The following KIF4A variants were observed in gnomAD, a reference collection of about 807,000 sequenced individuals.
KIF4A encodes the protein chromosome-associated kinesin KIF4A.
In KIF4A, 7 loss-of-function variants were observed where a neutral mutation model predicts 105.9. The ratio of observed to expected loss-of-function variants is 0.07; its 90% confidence interval spans 0.04 to 0.12. The LOEUF is 0.12. Among genes scored for constraint, KIF4A ranks in the 10% least tolerant of loss-of-function variants. The pLI is 1.00. For missense variants in KIF4A, 558 were observed against 929.2 expected (o/e 0.60, Z 5.19); for synonymous variants, 281 against 331.3 (o/e 0.85, Z 1.65).
At chrX:70,341,570 T>C (rs947257538) in intron 10 of KIF4A, among the ~76,000 whole-genome samples, 1 of 111,687 alleles carries the variant, frequency 9.0e-6, no homozygotes. Flanking sequence ...AATTATTACC[T>C]TTCTCCAAAC....
At chrX:70,360,427 G>A (rs914935525) in intron 15 of KIF4A, among the ~76,000 whole-genome samples, 2 of 112,418 alleles carry the variant, frequency 1.8e-5, no homozygotes, top group African/African-American at 3.2e-5. Context: ...TCAGCAGGCC[G>A]AGCCTTGGTT....
chrX:70,402,487 G>A, intron 22 of KIF4A, 79 bp from the exon 23 acceptor site: 5 of 1,070,414 alleles, frequency 4.7e-6, no homozygotes, highest in Non-Finnish European at 6.3e-6. Flanking sequence ...AAAATTATTT[G>A]AAGTTTCTCC....
chrX:70,390,766 C>T (rs1181153621), intron 20 of KIF4A, among the ~76,000 whole-genome samples: 5 of 111,902 alleles, frequency 4.5e-5, no homozygotes, highest in African/African-American at 1.6e-4. Context: ...CCCTATATCT[C>T]TTACAGCCAA....
At chrX:70,417,255 C>A (rs952915356) in intron 28 of KIF4A, among the ~76,000 whole-genome samples, 4 of 112,597 alleles carry the variant, frequency 3.6e-5, no homozygotes, top group Non-Finnish European at 7.5e-5. Flanking sequence ...GTAATCCCAG[C>A]ACTTTGGGAG....
chrX:70,323,173 A>G (rs1387260124), intron 7 of KIF4A, among the ~76,000 whole-genome samples: 1 of 110,654 alleles, frequency 9.0e-6, no homozygotes. Context: ...GGCTCATTCA[A>G]ATTTGCGCTC....
chrX:70,317,233 T>A (rs958905215), intron 7 of KIF4A, among the ~76,000 whole-genome samples: 1 of 111,601 alleles, frequency 9.0e-6, no homozygotes, highest in Non-Finnish European at 1.9e-5. Context: ...TGAATCCTCC[T>A]GTAACTACTG....
chrX:70,402,318 A>C (rs1272010388), intron 22 of KIF4A, among the ~76,000 whole-genome samples: 1 of 112,151 alleles, frequency 8.9e-6, no homozygotes, highest in Non-Finnish European at 1.9e-5. Context: ...TCCAAGTCCC[A>C]CTTTATGACC....
rs777473523 is a variant in KIF4A at position 70,312,104 on chromosome X, C to A, written c.778+9706C>A. Among the ~76,000 whole-genome samples, 270 of 107,764 alleles carry A rather than the reference C, an allele frequency of 2.5e-3. 1 individual carries two copies. The highest frequency in any genetic ancestry group is 8.3e-3 in the African/African-American group (245 of 29,696). The allele number at this position is 107,764 out of a possible 115,157, so 93.6% of individuals were successfully genotyped here. On this transcript the variant is annotated intron_variant, in intron 7 of 30. Coordinates refer to ENST00000374403, the MANE Select transcript of KIF4A (RefSeq NM_012310.5). ...TTTGGATCAGGATACAAACAAGGTC[C>A]ACACATTGTTATTGCTCAATAGGCC...
At chrX:70,357,174 C>G (rs1483243803) in intron 15 of KIF4A, among the ~76,000 whole-genome samples, 1 of 111,069 alleles carries the variant, frequency 9.0e-6, no homozygotes, top group East Asian at 2.8e-4. Flanking sequence ...ATTAGCCGAG[C>G]ATGGTGGCGG....
chrX:70,310,420 C>T (rs187274807), intron 7 of KIF4A, among the ~76,000 whole-genome samples: 1 of 106,573 alleles, frequency 9.4e-6, no homozygotes, highest in East Asian at 3.0e-4. Flanking sequence ...AGTGATTTTC[C>T]TTTGTATTGC....
chrX:70,358,102 G>GT (rs1829827267), intron 15 of KIF4A, among the ~76,000 whole-genome samples: 1 of 110,433 alleles, frequency 9.1e-6, no homozygotes, highest in Non-Finnish European at 1.9e-5. Context: ...TAGAGATGGG[G>GT]TCTCACTATG....
intron 18 of KIF4A, among the ~76,000 whole-genome samples, chrX:70,377,667 G>T (rs976226905): frequency 1.8e-5 from 2 of 112,572 alleles, no homozygotes; most frequent in African/African-American, 6.4e-5. Context: ...CATGCATGGT[G>T]GCTCACTCCT....
At position 70,412,672 on chromosome X, in the gene KIF4A, C is replaced by T. The variant is rs1276636557; in HGVS notation, c.3256-5216C>T. Among the ~76,000 whole-genome samples the T allele has an allele frequency of 8.1e-5, 9 of 111,729 alleles. No individual in the cohort carries two copies. In the Admixed American group the frequency reaches 8.6e-4, roughly 11 times the overall value. On this transcript the variant is annotated intron_variant, in intron 28 of 30. Coordinates refer to ENST00000374403, the MANE Select transcript of KIF4A (RefSeq NM_012310.5). ...GCGCCATGGCTCACACCTGTAATCCCGACACTTTGGGAGGCTGAAGTGGGC... is the reference window on the plus strand; with the variant it reads ...GCGCCATGGCTCACACCTGTAATCCTGACACTTTGGGAGGCTGAAGTGGGC...
chrX:70,337,886 C>T (rs1440668810), intron 10 of KIF4A, among the ~76,000 whole-genome samples: 1 of 111,899 alleles, frequency 8.9e-6, no homozygotes. Flanking sequence ...TCTCCACCAG[C>T]CATGCACAAA....
intron 15 of KIF4A, among the ~76,000 whole-genome samples, chrX:70,372,712 T>C (rs2086145201): frequency 8.9e-6 from 1 of 112,392 alleles, no homozygotes; most frequent in South Asian, 3.7e-4. Flanking sequence ...TAGACTTCGT[T>C]TTCCAAATGC....
chrX:70,331,013 GA>G (rs1446112203), intron 9 of KIF4A, among the ~76,000 whole-genome samples: 1 of 111,451 alleles, frequency 9.0e-6, no homozygotes, highest in Non-Finnish European at 1.9e-5. Context: ...ATATACATAG[GA>G]ACAGCTGTAT....
At chrX:70,412,645 G>A (rs1296575102) in intron 28 of KIF4A, among the ~76,000 whole-genome samples, 7 of 111,557 alleles carry the variant, frequency 6.3e-5, no homozygotes, top group African/African-American at 2.0e-4. Flanking sequence ...ACTTCTGGCC[G>A]GGCGCCATGG....
chrX:70,364,923 A>C (rs1426712232), intron 15 of KIF4A, among the ~76,000 whole-genome samples: 1 of 111,358 alleles, frequency 9.0e-6, no homozygotes, highest in Non-Finnish European at 1.9e-5. Context: ...TTCGTTGAGC[A>C]GTGGTTTGTA....
At position 70,312,315 on chromosome X, in the gene KIF4A, T is replaced by G. The variant is rs148801779; in HGVS notation, c.778+9917T>G. Among the ~76,000 whole-genome samples, 288 of 109,921 alleles carry G rather than the reference T, an allele frequency of 2.6e-3. 2 individuals are homozygous for G. The highest frequency in any genetic ancestry group is 9.4e-3 in the African/African-American group (283 of 30,219). On this transcript the variant is annotated intron_variant, in intron 7 of 30. Coordinates refer to ENST00000374403, the MANE Select transcript of KIF4A (RefSeq NM_012310.5). ...ACACGCCACCACGTCCAGCTAATTT[T>G]TGCATTTTTAGTAGAGATGGGGTTT...
Sources: gnomAD v4.1 joint callset for allele counts (sites outside exome capture counted in the v4.1 genomes callset) on GRCh38, gnomAD v4.1.1 for gene constraint, MANE v1.5 for transcripts, NCBI Gene and HGNC (gene_info 2026-07-23, HGNC 2026-07-21) for gene names.